The following FOXP1 variants were observed in gnomAD, a reference collection of about 807,000 sequenced individuals.
FOXP1 encodes the protein forkhead box P1, also known as forkhead box protein P1.
FOXP1 carries 15 observed loss-of-function variants against 98.2 expected under a neutral mutation model. The observed-to-expected ratio is 0.15, with a 90% CI of 0.10 to 0.24. FOXP1 has a LOEUF of 0.24. Among genes scored for constraint, FOXP1 ranks in the 10% least tolerant of loss-of-function variants. FOXP1 has a pLI of 1.00. For missense variants in FOXP1, 633 were observed against 848.5 expected (o/e 0.75, Z 3.15); for synonymous variants, 371 against 314.5 (o/e 1.18, Z -1.90).
At chr3:71,426,460 C>T (rs528038720) in intron 3 of FOXP1, among the ~76,000 whole-genome samples, 80 of 152,194 alleles carry the variant, frequency 5.3e-4, no homozygotes, top group Middle Eastern at 3.4e-3. Context: ...TTCTACAAGA[C>T]GACCCAAGTG....
intron 5 of FOXP1, among the ~76,000 whole-genome samples, chr3:71,285,845 A>G (rs1405591635): frequency 1.3e-5 from 2 of 152,208 alleles, no homozygotes; most frequent in Non-Finnish European, 2.9e-5. Flanking sequence ...CCTTTTCTGT[A>G]TCACAGTTTC....
intron 3 of FOXP1, among the ~76,000 whole-genome samples, chr3:71,410,453 G>C (rs13081081): frequency 1.5e-3 from 227 of 152,254 alleles, no homozygotes; most frequent in Admixed American, 2.9e-3. Context: ...TATGCTTCCA[G>C]TTGTGGCTTA....
intron 3 of FOXP1, among the ~76,000 whole-genome samples, chr3:71,468,289 T>A (rs1181810300): frequency 1.3e-5 from 2 of 152,196 alleles, no homozygotes; most frequent in African/African-American, 4.8e-5. Flanking sequence ...ATTGCTTGGC[T>A]TCAAAAAGGA....
chr3:71,370,798 G>GTTTT (rs71621937), intron 3 of FOXP1, among the ~76,000 whole-genome samples: 12 of 128,388 alleles, frequency 9.3e-5, no homozygotes, highest in Non-Finnish European at 9.7e-5. Flanking sequence ...TTTTTTTGTT[G>GTTTT]TTTTTTTTTT....
intron 11 of FOXP1, among the ~76,000 whole-genome samples, chr3:71,019,846 A>ACAAAAC (rs1553696174): frequency 2.6e-5 from 4 of 151,730 alleles, no homozygotes; most frequent in African/African-American, 9.7e-5. Flanking sequence ...CCCCCCCAAA[A>ACAAAAC]AAAACAAAAC....
At chr3:71,541,057 A>G (rs2044766418) in intron 2 of FOXP1, among the ~76,000 whole-genome samples, 1 of 152,212 alleles carries the variant, frequency 6.6e-6, no homozygotes, top group African/African-American at 2.4e-5. Flanking sequence ...AATCTGTCTC[A>G]ACCGTGGTAT....
intron 5 of FOXP1, among the ~76,000 whole-genome samples, chr3:71,270,630 G>A (rs2070252099): frequency 6.6e-6 from 1 of 152,198 alleles, no homozygotes; most frequent in Non-Finnish European, 1.5e-5. Flanking sequence ...AGGGATGAGA[G>A]TTTTATCCTG....
intron 4 of FOXP1, among the ~76,000 whole-genome samples, chr3:71,326,360 A>G (rs1469990927): frequency 6.6e-6 from 1 of 152,188 alleles, no homozygotes; most frequent in African/African-American, 2.4e-5. Context: ...AAAATCATAA[A>G]AGAGGCTCGG....
chr3:70,998,004 T>C lies in FOXP1; in HGVS notation c.1062+2968A>G, dbSNP rs75384673. Among the ~76,000 whole-genome samples the C allele has an allele frequency of 1.1e-3, 175 of 152,320 alleles. 4 individuals are homozygous for C. The East Asian group carries it at 0.032, about 28-fold the overall frequency. The stretch of plus-strand genomic sequence containing the variant: ...AGCTAGTAGGGAAAATTGACCCATG[T>C]GGAGACTAGACTGGTTTTATACACC... On this transcript the variant is annotated intron_variant, in intron 13 of 20. Transcript: ENST00000649528.
At chr3:71,182,549 C>T (rs1038127891) in intron 6 of FOXP1, among the ~76,000 whole-genome samples, 84 of 112,772 alleles carry the variant, frequency 7.4e-4, no homozygotes, top group African/African-American at 1.1e-3. Context: ...TGTATATATT[C>T]TTTTTTTTTT....
intron 5 of FOXP1, among the ~76,000 whole-genome samples, chr3:71,269,646 T>C (rs886607932): frequency 1.3e-5 from 2 of 152,184 alleles, no homozygotes; most frequent in Non-Finnish European, 2.9e-5. Flanking sequence ...ATTTTGCAAA[T>C]TTCACGGGCC....
At chr3:70,983,446 G>A (rs886554000) in intron 14 of FOXP1, among the ~76,000 whole-genome samples, 5 of 151,576 alleles carry the variant, frequency 3.3e-5, no homozygotes, top group East Asian at 1.9e-4. Context: ...CTTTCTTTTC[G>A]GGGGGGCACT....
At chr3:71,441,047 G>C (rs1359924136) in intron 3 of FOXP1, among the ~76,000 whole-genome samples, 1 of 152,188 alleles carries the variant, frequency 6.6e-6, no homozygotes, top group Admixed American at 6.5e-5. Context: ...GTTTTTTAAA[G>C]GTAACTGCAT....
At chr3:71,189,785 G>A (rs540437469) in intron 6 of FOXP1, among the ~76,000 whole-genome samples, 1 of 152,286 alleles carries the variant, frequency 6.6e-6, no homozygotes, top group Admixed American at 6.5e-5. Flanking sequence ...TTCATAAATA[G>A]TCTGTCACAG....
chr3:71,052,665 G>T (rs149818313), intron 8 of FOXP1, 39 bp from the exon 9 acceptor site: 3 of 893,508 alleles, frequency 3.4e-6, no homozygotes, highest in Admixed American at 3.4e-5. Context: ...ACAGAGGGTA[G>T]CGCCAATCCA....
chr3:71,154,778 C>T (rs1172779760), intron 6 of FOXP1, among the ~76,000 whole-genome samples: 2 of 152,202 alleles, frequency 1.3e-5, no homozygotes, highest in Non-Finnish European at 2.9e-5. Flanking sequence ...CTGAAAAGCA[C>T]ACTGCCTGGT....
intron 5 of FOXP1, among the ~76,000 whole-genome samples, chr3:71,216,869 C>A (rs1448570394): frequency 6.6e-6 from 1 of 152,006 alleles, no homozygotes; most frequent in Admixed American, 6.6e-5. Flanking sequence ...TGGCTGAGGA[C>A]CATTTTGGTT....
chr3:70,972,305 G>T, intron 18 of FOXP1: 1 of 963,190 alleles, frequency 1.0e-6, no homozygotes, highest in Non-Finnish European at 1.5e-6. Context: ...ATAAGCAAAT[G>T]GTTTGTGAGG....
chr3:71,022,782 G>A (rs2045608681), intron 11 of FOXP1, among the ~76,000 whole-genome samples: 2 of 152,096 alleles, frequency 1.3e-5, no homozygotes, highest in South Asian at 4.1e-4. Flanking sequence ...TCCTCCCAGT[G>A]GTAAAACCTC....
Sources: gnomAD v4.1 joint callset for allele counts (sites outside exome capture counted in the v4.1 genomes callset) on GRCh38, gnomAD v4.1.1 for gene constraint, MANE v1.5 for transcripts, NCBI Gene and HGNC (gene_info 2026-07-23, HGNC 2026-07-21) for gene names.